The following FNIP1 variants were observed in gnomAD, a reference collection of about 807,000 sequenced individuals.
FNIP1 encodes the protein folliculin interacting protein 1.
Under a neutral mutation model 124.5 loss-of-function variants are expected in FNIP1, and 40 were observed. The observed-to-expected ratio is 0.32, with a 90% CI of 0.25 to 0.42. The LOEUF is 0.42. Ranked by LOEUF, FNIP1 falls within the 10% of genes least tolerant of loss-of-function variation. The pLI, the probability that FNIP1 is intolerant of heterozygous loss-of-function variation, is 1.00. For missense variants in FNIP1, 1,176 were observed against 1,403.7 expected, an observed-to-expected ratio of 0.84 and a Z score of 2.59; for synonymous variants, 472 against 470.6, an observed-to-expected ratio of 1.00 and a Z score of -0.04.
chr5:131,735,337 A>C (rs1436323864), intron 2 of FNIP1, among the ~76,000 whole-genome samples: 3 of 152,038 alleles, frequency 2.0e-5, no homozygotes, highest in African/African-American at 7.2e-5. Context: ...GAGGAACAGC[A>C]TTAGGAGATA....
At chr5:131,646,595 T>C (rs530412062) in intron 17 of FNIP1, among the ~76,000 whole-genome samples, 1 of 152,278 alleles carries the variant, frequency 6.6e-6, no homozygotes, top group South Asian at 2.1e-4. Context: ...ATGCCCCCCC[T>C]ACCAACTTCC....
At chr5:131,750,616 C>CTTT (rs537818966) in intron 1 of FNIP1, among the ~76,000 whole-genome samples, 87 of 138,000 alleles carry the variant, frequency 6.3e-4, no homozygotes, top group African/African-American at 2.0e-3. Flanking sequence ...TCCCTTCTTT[C>CTTT]TTTTTTTTTT....
At chr5:131,719,797 A>C (rs1002912288) in intron 3 of FNIP1, among the ~76,000 whole-genome samples, 2 of 152,208 alleles carry the variant, frequency 1.3e-5, no homozygotes, top group Non-Finnish European at 2.9e-5. Context: ...TCCAGGATAG[A>C]TAATAAGTGA....
At chr5:131,664,472 C>CA (rs757902143) in intron 15 of FNIP1, among the ~76,000 whole-genome samples, 5 of 151,572 alleles carry the variant, frequency 3.3e-5, no homozygotes, top group African/African-American at 7.3e-5. Context: ...CCCATCTTCA[C>CA]AAAAAATAAA....
Position 131,782,375 on chromosome 5 carries a change from C to T in FNIP1, c.92+14455G>A, listed in dbSNP as rs547511280. 5.8e-3 allele frequency among the ~76,000 whole-genome samples: 879 copies of T among 152,084 alleles called. 4 individuals carry two copies. Among genetic ancestry groups the T allele is most frequent in the Middle Eastern group, 0.01 (3 of 294 alleles). ...ACCAACCTTGGCAACGCAGTGAAAC[C>T]TCGACTCTACCAAAAAACAAAAAAA... On this transcript the variant is annotated intron_variant, in intron 1 of 17. Transcript: ENST00000510461.
At chr5:131,714,331 A>G (rs1364488141) in intron 6 of FNIP1, among the ~76,000 whole-genome samples, 2 of 152,158 alleles carry the variant, frequency 1.3e-5, no homozygotes, top group African/African-American at 4.8e-5. Flanking sequence ...TGGGTCTCTC[A>G]GCCTTTCCCA....
chr5:131,752,668 G>C (rs941390004), intron 1 of FNIP1, among the ~76,000 whole-genome samples: 2 of 152,032 alleles, frequency 1.3e-5, no homozygotes, highest in African/African-American at 4.8e-5. Context: ...AATTTTAAAA[G>C]GGTACAGGTA....
intron 1 of FNIP1, among the ~76,000 whole-genome samples, chr5:131,794,868 G>A (rs944618943): frequency 6.6e-6 from 1 of 152,202 alleles, no homozygotes; most frequent in Non-Finnish European, 1.5e-5. Context: ...CGGGTGAGGA[G>A]GAGTTAGGCT....
chr5:131,752,130 G>A (rs776855250), intron 1 of FNIP1, among the ~76,000 whole-genome samples: 2 of 152,126 alleles, frequency 1.3e-5, no homozygotes, highest in East Asian at 1.9e-4. Flanking sequence ...TGCAAGCTCC[G>A]CCTCTCCGGT....
At chr5:131,677,550 C>G in intron 13 of FNIP1, 153 bp downstream of exon 13, 1 of 668,328 alleles carries the variant, frequency 1.5e-6, no homozygotes, top group Admixed American at 2.9e-5. Flanking sequence ...GAGGATAAGA[C>G]AAATTGGCAG....
intron 3 of FNIP1, among the ~76,000 whole-genome samples, chr5:131,726,166 G>C (rs1229098462): frequency 1.3e-5 from 2 of 152,044 alleles, no homozygotes; most frequent in African/African-American, 4.8e-5. Flanking sequence ...TTTTTTTGTT[G>C]TGTCTCTGCT....
intron 15 of FNIP1, among the ~76,000 whole-genome samples, chr5:131,663,865 A>T (rs1767517438): frequency 6.6e-6 from 1 of 152,262 alleles, no homozygotes; most frequent in Non-Finnish European, 1.5e-5. Flanking sequence ...AAACAGTTTT[A>T]TATACAAGGT....
chr5:131,656,581 G>A (rs1295013854), intron 15 of FNIP1, among the ~76,000 whole-genome samples: 2 of 152,112 alleles, frequency 1.3e-5, no homozygotes, highest in African/African-American at 2.4e-5. Flanking sequence ...AGAATTTAAC[G>A]CTAGGAAAGT....
intron 9 of FNIP1, 83 bp downstream of exon 9, chr5:131,706,328 C>A: frequency 7.3e-7 from 1 of 1,366,780 alleles, no homozygotes; most frequent in Non-Finnish European, 9.8e-7. Flanking sequence ...ACACAGAATA[C>A]AAGTCCAGGT....
chr5:131,663,372 G>C (rs1353634942), intron 15 of FNIP1, among the ~76,000 whole-genome samples: 3 of 152,130 alleles, frequency 2.0e-5, no homozygotes, highest in African/African-American at 7.2e-5. Flanking sequence ...CTCTGTTTCT[G>C]TGTATTTATA....
At chr5:131,651,326 G>A (rs1767032744) in intron 16 of FNIP1, among the ~76,000 whole-genome samples, 1 of 152,208 alleles carries the variant, frequency 6.6e-6, no homozygotes, top group Non-Finnish European at 1.5e-5. Context: ...CCAAGAAGTT[G>A]AGGCTGCAGT....
intron 3 of FNIP1, among the ~76,000 whole-genome samples, chr5:131,726,872 A>ACTGGTTTCAAAG (rs1315653634): frequency 6.7e-6 from 1 of 148,606 alleles, no homozygotes; most frequent in Admixed American, 6.7e-5. Flanking sequence ...GTCTTTGTTC[A>ACTGGTTTCAAAG]AACTTATTTA....
chr5:131,699,937 A>AAAAG (rs1205476987), intron 10 of FNIP1, among the ~76,000 whole-genome samples: 1 of 148,828 alleles, frequency 6.7e-6, no homozygotes, highest in Non-Finnish European at 1.5e-5. Context: ...AAAAAAAAAA[A>AAAAG]GGGAATATAA....
chr5:131,767,371 G>A (rs555496542), intron 1 of FNIP1, among the ~76,000 whole-genome samples: 1 of 123,588 alleles, frequency 8.1e-6, no homozygotes, highest in African/African-American at 2.9e-5. Context: ...GGAGGCTGCA[G>A]TAAGCCAAGA....
Sources: allele counts gnomAD v4.1 joint callset (sites outside exome capture counted in the v4.1 genomes callset), GRCh38; gene constraint gnomAD v4.1.1; transcripts MANE v1.5; gene names NCBI Gene and HGNC (gene_info 2026-07-23, HGNC 2026-07-21).